MAP2K5: variants seen among roughly 807,000 people sequenced by gnomAD.
The protein encoded by MAP2K5 is mitogen-activated protein kinase kinase 5.
MAP2K5 carries 49 observed loss-of-function variants against 83.1 expected under a neutral mutation model. The ratio of observed to expected loss-of-function variants is 0.59; its 90% CI spans 0.47 to 0.75. The LOEUF is 0.75. Ranked by LOEUF, MAP2K5 falls within the 30% of genes least tolerant of loss-of-function variation. MAP2K5 has a pLI of 0.00. For synonymous variants in MAP2K5, 202 were observed against 191.8 expected (o/e 1.05, Z -0.44); for missense variants, 457 against 557.5 (o/e 0.82, Z 1.82).
intron 3 of MAP2K5, among the ~76,000 whole-genome samples, chr15:67,578,254 G>C (rs2085105393): frequency 6.6e-6 from 1 of 152,146 alleles, no homozygotes; most frequent in South Asian, 2.1e-4. Flanking sequence ...GGACCTGGTG[G>C]CCGGTCAGGA....
intron 14 of MAP2K5, 141 bp downstream of exon 14, chr15:67,692,693 T>C (rs2088146174): frequency 1.1e-5 from 7 of 621,892 alleles, no homozygotes; most frequent in Non-Finnish European, 1.7e-5. Flanking sequence ...GAGTGTGTTA[T>C]TCATTTTTAA....
chr15:67,693,404 C>T (rs982757757), intron 14 of MAP2K5, 114 bp from the exon 15 acceptor site: 7 of 796,140 alleles, frequency 8.8e-6, no homozygotes, highest in Non-Finnish European at 1.5e-5. Context: ...TTCCCTTTTA[C>T]ATAATTTTTA....
intron 8 of MAP2K5, among the ~76,000 whole-genome samples, chr15:67,622,150 A>G (rs2086200919): frequency 6.6e-6 from 1 of 151,538 alleles, no homozygotes; most frequent in Non-Finnish European, 1.5e-5. Flanking sequence ...ATCTCAAAAA[A>G]AAAAAAAAAA....
intron 13 of MAP2K5, among the ~76,000 whole-genome samples, chr15:67,683,055 C>T (rs945660028): frequency 2.6e-5 from 4 of 151,516 alleles, no homozygotes; most frequent in Admixed American, 6.6e-5. Flanking sequence ...GAAGGAGAAT[C>T]GCTTGAACCC....
At chr15:67,558,841 C>G (rs1175087268) in intron 2 of MAP2K5, among the ~76,000 whole-genome samples, 2 of 152,234 alleles carry the variant, frequency 1.3e-5, no homozygotes, top group African/African-American at 4.8e-5. Flanking sequence ...AGTGTATGTT[C>G]CATGAAGGCA....
At chr15:67,545,113 A>C (rs1360848983) in intron 1 of MAP2K5, among the ~76,000 whole-genome samples, 1 of 151,782 alleles carries the variant, frequency 6.6e-6, no homozygotes, top group African/African-American at 2.4e-5. Flanking sequence ...GGCTGTCTGC[A>C]CTCTGCTCTT....
chr15:67,694,396 C>T (rs913633435), intron 15 of MAP2K5, among the ~76,000 whole-genome samples: 1 of 151,956 alleles, frequency 6.6e-6, no homozygotes, highest in African/African-American at 2.4e-5. Flanking sequence ...GTTAATATGT[C>T]ATGAAATTAA....
chr15:67,805,254 C>T (rs974670583), intron 21 of MAP2K5, among the ~76,000 whole-genome samples: 3 of 152,328 alleles, frequency 2.0e-5, no homozygotes, highest in East Asian at 3.9e-4. Flanking sequence ...TTCCCAACCT[C>T]GAATGAGAAG....
intron 16 of MAP2K5, among the ~76,000 whole-genome samples, chr15:67,726,438 C>A (rs1351272896): frequency 5.9e-5 from 9 of 152,140 alleles, no homozygotes; most frequent in Non-Finnish European, 1.3e-4. Flanking sequence ...ACATGATGAA[C>A]AAGCTGAGGG....
chr15:67,629,774 G>A (rs189571328), intron 8 of MAP2K5, among the ~76,000 whole-genome samples: 11 of 152,130 alleles, frequency 7.2e-5, no homozygotes, highest in African/African-American at 2.4e-4. Flanking sequence ...TTAGTTCTTC[G>A]AAACTTACTT....
chr15:67,707,046 G>T (rs569435596), intron 16 of MAP2K5, among the ~76,000 whole-genome samples: 24 of 152,296 alleles, frequency 1.6e-4, no homozygotes, highest in Middle Eastern at 3.4e-3. Flanking sequence ...CTCCCGAGTA[G>T]CTGGGACTAC....
rs533528217 is a variant in MAP2K5, at chr15:67,545,946, A to G, written c.135+2476A>G. Among the ~76,000 whole-genome samples, 7 of 152,252 alleles carry G rather than the reference A, an allele frequency of 4.6e-5. No homozygotes were observed. The East Asian group carries it at 1.3e-3, about 29-fold the overall frequency. Reference sequence around the variant, plus strand: ...TGTTTCTTGAGCATCTCTAAGTTGTACCTGGCTCAAGGCTGACTGGCTTAA... The same window carrying G: ...TGTTTCTTGAGCATCTCTAAGTTGTGCCTGGCTCAAGGCTGACTGGCTTAA... On this transcript the variant is annotated intron_variant, in intron 1 of 21. Coordinates refer to ENST00000178640, the MANE Select transcript of MAP2K5 (RefSeq NM_145160.3).
chr15:67,757,710 G>A lies in MAP2K5; in HGVS notation c.1134+9109G>A, dbSNP rs1291566441. On this transcript the variant is annotated intron_variant, in intron 19 of 21. Transcript: ENST00000178640. The surrounding 1 kb of genome is among the most constrained non-coding windows in gnomAD (Gnocchi z 4.9). The stretch of plus-strand genomic sequence containing the variant: ...AAACTGCAGGTAATGTAAGTGATAC[G>A]AGACTTGATGGCCTGGGCTCTCGGA... 2.6e-5 allele frequency among the ~76,000 whole-genome samples: 4 copies of A among 152,108 alleles called. No individual in the cohort carries two copies. Among genetic ancestry groups the A allele is most frequent in the African/African-American group, 4.8e-5 (2 of 41,410 alleles).
At chr15:67,647,269 A>G (rs1415985149) in intron 11 of MAP2K5, among the ~76,000 whole-genome samples, 1 of 152,220 alleles carries the variant, frequency 6.6e-6, no homozygotes, top group Admixed American at 6.5e-5. Flanking sequence ...CATAAGGTGT[A>G]CAACATGCTC....
chr15:67,806,940 C>A lies in MAP2K5; in HGVS notation c.*190C>A. The A allele has an allele frequency of 1.3e-6, 2 of 1,574,820 alleles. No homozygotes were observed. The highest frequency in any genetic ancestry group is 1.7e-6 in the Non-Finnish European group (2 of 1,168,572). ...TGTGTGGCCCACCCCACCAGGCCAT[C>A]CCCATACCTTCTGGTTTGAAGGCGC... On this transcript the variant is annotated 3_prime_UTR_variant, in exon 22 of 22. Coordinates refer to ENST00000178640, the MANE Select transcript of MAP2K5 (RefSeq NM_145160.3).
At chr15:67,659,025 A>G in intron 12 of MAP2K5, 1 of 252,516 alleles carries the variant, frequency 4.0e-6, no homozygotes. Context: ...ACAAAGTAGT[A>G]TTAGTAAAGA....
intron 21 of MAP2K5, among the ~76,000 whole-genome samples, chr15:67,799,038 G>A (rs143462292): frequency 0.011 from 1,626 of 152,242 alleles, 42 homozygotes; most frequent in African/African-American, 0.038. Flanking sequence ...GCATGGTGGC[G>A]GACACCTGTA....
intron 13 of MAP2K5, 114 bp from the exon 14 acceptor site, chr15:67,692,364 AT>A: frequency 1.6e-6 from 1 of 623,220 alleles, no homozygotes; most frequent in African/African-American, 1.9e-5. Flanking sequence ...TGAATTTCGG[AT>A]TGAGCAGATG....
In MAP2K5 at chr15:67,563,055, C is replaced by A. The variant is rs2084770381; in HGVS notation, c.185-228C>A. Reference sequence around the variant, plus strand: ...TAACCTAGAGATATGTTGTGAATGACATGAGCAATATTTTAATTTTCTGCT... The same window carrying A: ...TAACCTAGAGATATGTTGTGAATGAAATGAGCAATATTTTAATTTTCTGCT... On this transcript the variant is annotated intron_variant, in intron 2 of 21. Coordinates refer to ENST00000178640, the MANE Select transcript of MAP2K5 (RefSeq NM_145160.3). This position sits in a 1 kb window ranked among gnomAD's most constrained non-coding sequence, Gnocchi z 4.5. Among the ~76,000 whole-genome samples the A allele has an allele frequency of 6.6e-6, 1 of 152,058 alleles. No individual in the cohort carries two copies. Among genetic ancestry groups the A allele is most frequent in the Admixed American group, 6.5e-5 (1 of 15,272 alleles).
Sources: allele counts gnomAD v4.1 joint callset (sites outside exome capture counted in the v4.1 genomes callset), GRCh38; gene constraint gnomAD v4.1.1; non-coding constraint Gnocchi (gnomAD v3.1); transcripts MANE v1.5; gene names NCBI Gene and HGNC (gene_info 2026-07-23, HGNC 2026-07-21).